FRYL: variants seen among roughly 807,000 people sequenced by gnomAD.
FRYL encodes protein furry homolog-like.
FRYL carries 150 observed loss-of-function variants against 351.2 expected under a neutral mutation model. That is an observed-to-expected ratio of 0.43 (90% confidence interval 0.37 to 0.49). The LOEUF is 0.49. Ranked by LOEUF, FRYL falls within the 20% of genes least tolerant of loss-of-function variation. The pLI, the probability that FRYL is intolerant of heterozygous loss-of-function variation, is 0.00. For synonymous variants in FRYL, 1,153 were observed against 1,257.1 expected (o/e 0.92, Z 1.75); for missense variants, 3,036 against 3,619.3 (o/e 0.84, Z 4.13).
chr4:48,582,825 T>C (rs770474694), intron 19 of FRYL, 91 bp from the exon 20 acceptor site: 4 of 822,788 alleles, frequency 4.9e-6, no homozygotes, highest in Non-Finnish European at 8.0e-6. Flanking sequence ...AAAATAAATG[T>C]CCTCTTAGTT....
At chr4:48,630,043 AC>A (rs1328060583) in intron 4 of FRYL, among the ~76,000 whole-genome samples, 1 of 151,898 alleles carries the variant, frequency 6.6e-6, no homozygotes, top group Non-Finnish European at 1.5e-5. Flanking sequence ...AATATCAAAA[AC>A]CCCAGTTATC....
Position 48,549,864 on chromosome 4 carries a change from A to G in FRYL, c.4634-241T>C, listed in dbSNP as rs547181584. ...ACCCTGTACGTCAAAGCAAAACTAT[A>G]TTAGCACTTCATCATGATTCCATCA... On this transcript the variant is annotated intron_variant, in intron 38 of 63. Coordinates refer to ENST00000358350, the MANE Select transcript of FRYL (RefSeq NM_015030.2). This position sits in a 1 kb window ranked among gnomAD's most constrained non-coding sequence, Gnocchi z 4.2. Among the ~76,000 whole-genome samples the G allele has an allele frequency of 3.9e-5, 6 of 152,312 alleles. 1 individual carries two copies. In the East Asian group the frequency reaches 7.7e-4, roughly 20 times the overall value.
At position 48,606,433 on chromosome 4, in the gene FRYL, A is replaced by G. The variant is rs371126737; in HGVS notation, c.741+5T>C. ...CTATTTACTGTCATTTAGAAGGTAT[A>G]TCACCTGCATAAATTGAAATGATGC... On this transcript the variant is annotated splice_donor_5th_base_variant and intron_variant, in intron 10 of 63. Coordinates refer to ENST00000358350, the MANE Select transcript of FRYL (RefSeq NM_015030.2). 183 of 1,599,296 alleles carry G rather than the reference A, an allele frequency of 1.1e-4. No homozygotes were observed. The highest frequency in any genetic ancestry group is 1.5e-4 in the Non-Finnish European group (180 of 1,168,622).
chr4:48,603,539 T>C, intron 11 of FRYL, 151 bp from the exon 12 acceptor site: 1 of 625,418 alleles, frequency 1.6e-6, no homozygotes, highest in East Asian at 2.8e-5. Context: ...TGACCAAATG[T>C]TAAGTACATA....
intron 3 of FRYL, among the ~76,000 whole-genome samples, chr4:48,644,550 G>T (rs924187484): frequency 4.1e-5 from 6 of 147,476 alleles, no homozygotes; most frequent in African/African-American, 1.5e-4. Flanking sequence ...GAATTCACAT[G>T]GGCAAAATTA....
chr4:48,619,231 A>G, intron 7 of FRYL, 43 bp downstream of exon 7: 1 of 1,252,858 alleles, frequency 8.0e-7, no homozygotes, highest in Non-Finnish European at 1.2e-6. Flanking sequence ...CACAGTAAGC[A>G]AAGAATAAGG....
At chr4:48,569,504 G>A (rs1421750473) in intron 27 of FRYL, among the ~76,000 whole-genome samples, 34 of 152,228 alleles carry the variant, frequency 2.2e-4, no homozygotes, top group African/African-American at 7.5e-4. Flanking sequence ...ACGGGGTTTC[G>A]CCATGTTGGC....
chr4:48,732,760 A>T (rs1441405585), intron 1 of FRYL, among the ~76,000 whole-genome samples: 2 of 132,272 alleles, frequency 1.5e-5, no homozygotes, highest in Non-Finnish European at 3.2e-5. Flanking sequence ...GGAACATCAT[A>T]CACTGGAGCC....
chr4:48,710,224 T>C (rs570039154), intron 2 of FRYL, among the ~76,000 whole-genome samples: 1 of 152,172 alleles, frequency 6.6e-6, no homozygotes, highest in Non-Finnish European at 1.5e-5. Flanking sequence ...AATCCCTAAA[T>C]AGGTAAGACA....
chr4:48,779,700 G>A (rs572270101), intron 1 of FRYL, among the ~76,000 whole-genome samples: 220 of 152,014 alleles, frequency 1.4e-3, no homozygotes, highest in African/African-American at 4.8e-3. Flanking sequence ...ACCAGAGCAG[G>A]ACGCGCGAGA....
chr4:48,556,033 T>TA, intron 35 of FRYL, among the ~76,000 whole-genome samples: 1 of 152,182 alleles, frequency 6.6e-6, no homozygotes, highest in Admixed American at 6.5e-5. Context: ...TAGCTGGGAT[T>TA]ACAGGCATGC....
intron 42 of FRYL, 126 bp downstream of exon 42, chr4:48,545,941 A>C (rs1225157244): frequency 4.9e-6 from 4 of 822,744 alleles, no homozygotes; most frequent in Non-Finnish European, 7.7e-6. Context: ...AATACTGTGC[A>C]ATACAAACCT....
At chr4:48,675,857 T>A (rs183593072) in intron 3 of FRYL, among the ~76,000 whole-genome samples, 1 of 152,120 alleles carries the variant, frequency 6.6e-6, no homozygotes, top group Non-Finnish European at 1.5e-5. Context: ...GGGTTGTAAA[T>A]ACACCAATCA....
chr4:48,572,798 C>T (rs1738635189), intron 26 of FRYL, among the ~76,000 whole-genome samples: 1 of 152,198 alleles, frequency 6.6e-6, no homozygotes, highest in African/African-American at 2.4e-5. Context: ...TGCTACCTGT[C>T]GCTGCAAATT....
At chr4:48,588,984 A>G (rs1209489379) in intron 18 of FRYL, among the ~76,000 whole-genome samples, 2 of 152,206 alleles carry the variant, frequency 1.3e-5, no homozygotes, top group Non-Finnish European at 2.9e-5. Flanking sequence ...AGGAAGTAAC[A>G]TTGGCAAAAA....
At chr4:48,609,238 ATT>A in intron 8 of FRYL, among the ~76,000 whole-genome samples, 171 bp from the exon 9 acceptor site, 2 of 152,182 alleles carry the variant, frequency 1.3e-5, no homozygotes, top group South Asian at 4.1e-4. Flanking sequence ...ACTTTACTAT[ATT>A]TAACCTTCTG....
intron 44 of FRYL, 30 bp from the exon 45 acceptor site, chr4:48,542,151 T>C: frequency 6.7e-7 from 1 of 1,490,196 alleles, no homozygotes; most frequent in Non-Finnish European, 9.4e-7. Context: ...TTTTAATTAA[T>C]TATGCTCTGG....
chr4:48,615,359 A>G (rs527381602), intron 7 of FRYL, among the ~76,000 whole-genome samples: 1 of 152,220 alleles, frequency 6.6e-6, no homozygotes, highest in Non-Finnish European at 1.5e-5. Context: ...CCGTATACAT[A>G]AAAGATATCA....
Position 48,499,678 on chromosome 4 carries a change from G to A in FRYL, c.8786C>T (p.Ser2929Phe). The A allele has an allele frequency of 1.9e-6, 3 of 1,612,922 alleles. No homozygotes were observed. Among genetic ancestry groups the A allele is most frequent in the Non-Finnish European group, 2.5e-6 (3 of 1,179,316 alleles). ...SAVAQVKAFR[S>F]LWPSDIFGSC... ...GCCAAAGATATCACTGGGCCAGAGA[G>A]ATCTGAAAATACACAATAGTTTTTC... is the stretch of plus-strand genomic sequence containing the variant. Residue 2929 changes from serine (S) to phenylalanine (F), a missense_variant and splice_region_variant, in exon 64 of 64, where the codon TCT becomes TTT. By Grantham distance (155) the Ser-to-Phe change is radical (BLOSUM62 -2). Transcript: ENST00000358350.
Sources: allele counts gnomAD v4.1 joint callset (sites outside exome capture counted in the v4.1 genomes callset), GRCh38; gene constraint gnomAD v4.1.1; non-coding constraint Gnocchi (gnomAD v3.1); transcripts MANE v1.5; gene names NCBI Gene and HGNC (gene_info 2026-07-23, HGNC 2026-07-21).